Variants in GABRG2 observed in about 807,000 individuals in gnomAD.
GABRG2 encodes the protein gamma-aminobutyric acid receptor subunit gamma-2.
A neutral mutation model predicts 56.4 loss-of-function variants in GABRG2; 16 were observed. That is an observed-to-expected ratio of 0.28 (90% CI 0.19 to 0.43). The LOEUF is 0.43. Ranked by LOEUF, GABRG2 falls within the 20% of genes least tolerant of loss-of-function variation. The pLI, the probability that GABRG2 is intolerant of heterozygous loss-of-function variation, is 1.00. For missense variants in GABRG2, 327 were observed against 582.7 expected, an observed-to-expected ratio of 0.56 and a Z score of 4.52; for synonymous variants, 208 against 205.5, an observed-to-expected ratio of 1.01 and a Z score of -0.10.
chr5:162,113,026 C>T (rs931291455), intron 6 of GABRG2, among the ~76,000 whole-genome samples: 2 of 151,846 alleles, frequency 1.3e-5, no homozygotes, highest in African/African-American at 4.8e-5. Flanking sequence ...GATCTCGACT[C>T]ATGCAACCTC....
At chr5:162,094,095 A>G (rs920108804) in intron 2 of GABRG2, 116 bp downstream of exon 2, 3 of 1,201,312 alleles carry the variant, frequency 2.5e-6, no homozygotes, top group Non-Finnish European at 3.7e-6. Context: ...ATACTTTTTT[A>G]TATGTTGTAA....
intron 6 of GABRG2, among the ~76,000 whole-genome samples, chr5:162,118,051 C>T (rs1004606161): frequency 1.3e-5 from 2 of 151,934 alleles, no homozygotes; most frequent in Admixed American, 1.3e-4. Flanking sequence ...TTAGACTCAG[C>T]CCCAGAATTT....
chr5:162,077,565 G>A (rs528386363), intron 1 of GABRG2, among the ~76,000 whole-genome samples: 1 of 152,168 alleles, frequency 6.6e-6, no homozygotes, highest in African/African-American at 2.4e-5. Flanking sequence ...TTCAATGTAT[G>A]ACAGTTTAAG....
intron 7 of GABRG2, 91 bp from the exon 8 acceptor site, chr5:162,149,017 G>GTTT (rs1165208553): frequency 1.1e-5 from 13 of 1,155,348 alleles, no homozygotes; most frequent in Admixed American, 1.7e-5. Flanking sequence ...CTGCCCATCA[G>GTTT]AAGTCATGAA....
In GABRG2 at chr5:162,142,148, C is replaced by T. The variant is rs763486287; in HGVS notation, c.770-16C>T. The T allele has an allele frequency of 5.6e-6, 9 of 1,613,648 alleles. No individual in the cohort carries two copies. The South Asian group carries it at 8.8e-5, about 16-fold the overall frequency. The stretch of plus-strand genomic sequence containing the variant: ...TTGATAAAGGGTTGTATGGTGTTAT[C>T]TTTGGTCTGTTCCAGGAGATTATGT... On this transcript the variant is annotated splice_polypyrimidine_tract_variant and intron_variant, in intron 6 of 9. Transcript: ENST00000639213.
intron 8 of GABRG2, chr5:162,149,676 G>T (rs1765225312): frequency 3.5e-6 from 2 of 567,038 alleles, no homozygotes; most frequent in Non-Finnish European, 6.8e-6. Context: ...TGCAGTGGCG[G>T]GATCTCGGCT....
chr5:162,088,485 T>G (rs1450481371), intron 1 of GABRG2, among the ~76,000 whole-genome samples: 4 of 152,158 alleles, frequency 2.6e-5, no homozygotes, highest in Admixed American at 6.6e-5. Context: ...TTCCTTTTAT[T>G]CTTCAGTGTG....
At chr5:162,126,648 G>A (rs764180610) in intron 6 of GABRG2, among the ~76,000 whole-genome samples, 8 of 151,810 alleles carry the variant, frequency 5.3e-5, no homozygotes, top group Non-Finnish European at 8.8e-5. Context: ...TCAATTCTCC[G>A]AGCCCATCTT....
At chr5:162,078,383 ATATATATATATATATTTTTTTTT>A (rs1759325683) in intron 1 of GABRG2, among the ~76,000 whole-genome samples, 1 of 29,136 alleles carries the variant, frequency 3.4e-5, no homozygotes, top group Admixed American at 2.9e-4. Flanking sequence ...ATATATATAT[ATATATATATATATATTTTTTTTT>A]TTTTTTTTTT....
intron 1 of GABRG2, among the ~76,000 whole-genome samples, chr5:162,074,163 T>C (rs1414886525): frequency 6.6e-6 from 1 of 151,930 alleles, no homozygotes; most frequent in African/African-American, 2.4e-5. Flanking sequence ...ACATTAGTGG[T>C]TTAGGGTAAA....
chr5:162,150,155 C>T (rs1182318589), intron 8 of GABRG2: 3 of 154,480 alleles, frequency 1.9e-5, no homozygotes, highest in African/African-American at 7.3e-5. Context: ...GTTAGTTAGC[C>T]TCCTTGTGTG....
Position 162,106,547 on chromosome 5 carries a change from A to G in GABRG2, c.769+2521A>G, listed in dbSNP as rs57673002. 5.7e-3 allele frequency among the ~76,000 whole-genome samples: 874 copies of G among 152,276 alleles called. 13 individuals are homozygous for G. Among genetic ancestry groups the G allele is most frequent in the African/African-American group, 0.02 (835 of 41,544 alleles). ...TCTTCAAAGCATAGCTGTGTAACTA[A>G]TGAATGTCTACAAGGAAGTTATGTT... On this transcript the variant is annotated intron_variant, in intron 6 of 9. Transcript: ENST00000639213.
chr5:162,150,635 A>G (rs2113639933), intron 8 of GABRG2: 1 of 152,320 alleles, frequency 6.6e-6, no homozygotes, highest in South Asian at 2.1e-4. Context: ...GAGAGCCGTA[A>G]TAACGCTCTA....
At chr5:162,115,098 A>T (rs1430253158) in intron 6 of GABRG2, among the ~76,000 whole-genome samples, 1 of 152,228 alleles carries the variant, frequency 6.6e-6, no homozygotes, top group African/African-American at 2.4e-5. Flanking sequence ...TTACTTTGAT[A>T]AAATGAGGCA....
chr5:162,104,205 A>G (rs569607455), intron 6 of GABRG2, among the ~76,000 whole-genome samples, 179 bp downstream of exon 6: 1 of 152,206 alleles, frequency 6.6e-6, no homozygotes, highest in Non-Finnish European at 1.5e-5. Flanking sequence ...AAATATAAAT[A>G]TATTCTACCA....
intron 1 of GABRG2, among the ~76,000 whole-genome samples, chr5:162,074,370 A>T (rs761033755): frequency 1.3e-5 from 2 of 152,052 alleles, no homozygotes; most frequent in Non-Finnish European, 2.9e-5. Context: ...AGTACCAAAC[A>T]ACATAATCGT....
Position 162,148,230 on chromosome 5 carries a change from G to C in GABRG2, c.923-878G>C, listed in dbSNP as rs755093318. 1.2e-3 allele frequency among the ~76,000 whole-genome samples: 187 copies of C among 152,254 alleles called. 1 individual carries two copies. The highest frequency in any genetic ancestry group is 6.8e-3 in the Middle Eastern group (2 of 294). On this transcript the variant is annotated intron_variant, in intron 7 of 9. Coordinates refer to ENST00000639213, the MANE Select transcript of GABRG2 (RefSeq NM_198904.4). Reference sequence around the variant, plus strand: ...TCATGTAATTTCTGTGTTCAATTCTGTCTGCTACTTACCAACTATTGGATG... The same window carrying C: ...TCATGTAATTTCTGTGTTCAATTCTCTCTGCTACTTACCAACTATTGGATG...
chr5:162,105,490 C>T (rs560215141), intron 6 of GABRG2, among the ~76,000 whole-genome samples: 5 of 125,616 alleles, frequency 4.0e-5, no homozygotes, highest in South Asian at 2.7e-4. Context: ...AGTGCAGTGG[C>T]GAGATCTCTG....
intron 3 of GABRG2, among the ~76,000 whole-genome samples, chr5:162,097,380 A>C (rs1761075475): frequency 6.6e-6 from 1 of 152,166 alleles, no homozygotes; most frequent in Admixed American, 6.5e-5. Flanking sequence ...ATGGAAAGTA[A>C]AGGATTGTAT....
Sources: gnomAD v4.1 joint callset for allele counts (sites outside exome capture counted in the v4.1 genomes callset) on GRCh38, gnomAD v4.1.1 for gene constraint, MANE v1.5 for transcripts, NCBI Gene and HGNC (gene_info 2026-07-23, HGNC 2026-07-21) for gene names.